The following SIM1 variants were observed in gnomAD, a reference collection of about 807,000 sequenced individuals.
The protein encoded by SIM1 is SIM bHLH transcription factor 1, also known as single-minded homolog 1.
SIM1 carries 18 observed loss-of-function variants against 78.2 expected under a neutral mutation model. The ratio of observed to expected loss-of-function variants is 0.23; its 90% confidence interval spans 0.16 to 0.34. The LOEUF is 0.34. Ranked by LOEUF, SIM1 falls within the 10% of genes least tolerant of loss-of-function variation. SIM1 has a pLI of 1.00. For missense variants in SIM1, 939 were observed against 975.1 expected (o/e 0.96, Z 0.49); for synonymous variants, 417 against 385.2 (o/e 1.08, Z -0.97).
At chr6:100,450,149 G>A in intron 4 of SIM1, 118 bp downstream of exon 4, 1 of 786,616 alleles carries the variant, frequency 1.3e-6, no homozygotes, top group Non-Finnish European at 2.2e-6. Context: ...CCTGCTAGCT[G>A]TGAGATGTCC....
intron 9 of SIM1, among the ~76,000 whole-genome samples, chr6:100,421,619 G>A (rs1771590078): frequency 1.3e-5 from 2 of 152,098 alleles, no homozygotes; most frequent in South Asian, 4.2e-4. Context: ...ATACTGGGGA[G>A]AAGAAACAGT....
chr6:100,394,925 T>C (rs2114465568), intron 10 of SIM1, among the ~76,000 whole-genome samples: 1 of 152,298 alleles, frequency 6.6e-6, no homozygotes, highest in Admixed American at 6.5e-5. Flanking sequence ...GTGCCTCTTG[T>C]TTAGAAGATA....
intron 10 of SIM1, among the ~76,000 whole-genome samples, chr6:100,403,377 A>G (rs1212958086): frequency 6.6e-6 from 1 of 152,262 alleles, no homozygotes; most frequent in East Asian, 1.9e-4. Context: ...CTGATAATTC[A>G]TCAGGTTAAA....
intron 9 of SIM1, among the ~76,000 whole-genome samples, chr6:100,446,041 T>TA (rs921162882): frequency 1.5e-5 from 2 of 129,242 alleles, no homozygotes; most frequent in Non-Finnish European, 1.5e-5. Context: ...TTTACTAAGA[T>TA]AAAAAAATTA....
At chr6:100,401,527 T>C (rs998138509) in intron 10 of SIM1, among the ~76,000 whole-genome samples, 24 of 152,052 alleles carry the variant, frequency 1.6e-4, no homozygotes, top group South Asian at 8.3e-4. Flanking sequence ...TATTAAGGTT[T>C]AGGTAGAGGC....
At position 100,447,371 on chromosome 6, in the gene SIM1, C is replaced by G; in HGVS notation, c.895G>C (p.Ala299Pro). 6.2e-7 allele frequency: 1 copy of G among 1,614,246 alleles called. No homozygotes were observed. Among genetic ancestry groups the G allele is most frequent in the Non-Finnish European group, 8.5e-7 (1 of 1,180,050 alleles). Residue 299 changes from alanine to proline, a missense_variant, in exon 9 of 12, where the codon GCG becomes CCG. This residue lies in a region of SIM1 where 66 missense variants were observed against 108.4 expected (regional missense o/e 0.61). Coordinates refer to ENST00000369208, the MANE Select transcript of SIM1 (RefSeq NM_005068.3). ...ACCCATACCCAGCCGCCGTGTTTCG[C>G]CAGGAACCTGTAGTACTTGGTGGTC... ...QVTTKYYRFL[A>P]KHGGWVWVQS...
chr6:100,409,507 T>C (rs1352879885), intron 10 of SIM1, among the ~76,000 whole-genome samples: 1 of 152,128 alleles, frequency 6.6e-6, no homozygotes, highest in Non-Finnish European at 1.5e-5. Flanking sequence ...TCTGTTTATC[T>C]TTTCTATTGT....
chr6:100,453,889 G>C, intron 2 of SIM1, 45 bp from the exon 3 acceptor site: 1 of 1,493,980 alleles, frequency 6.7e-7, no homozygotes. Flanking sequence ...ACCCGGACCT[G>C]ACAGGCAGTT....
intron 9 of SIM1, among the ~76,000 whole-genome samples, chr6:100,442,266 G>A (rs1185026851): frequency 6.6e-6 from 1 of 152,160 alleles, no homozygotes; most frequent in African/African-American, 2.4e-5. Flanking sequence ...AGTGTATGAA[G>A]AATAAGATTA....
intron 2 of SIM1, among the ~76,000 whole-genome samples, chr6:100,459,624 A>G (rs1262740510): frequency 6.6e-6 from 1 of 152,200 alleles, no homozygotes; most frequent in Non-Finnish European, 1.5e-5. Flanking sequence ...TATAGAAACC[A>G]TCTGTGGAAG....
intron 10 of SIM1, among the ~76,000 whole-genome samples, chr6:100,398,356 C>A (rs1388641936): frequency 6.6e-6 from 1 of 152,082 alleles, no homozygotes; most frequent in African/African-American, 2.4e-5. Flanking sequence ...TGCCATGCAA[C>A]CATCACTACC....
intron 9 of SIM1, among the ~76,000 whole-genome samples, chr6:100,432,750 A>G (rs77016238): frequency 0.012 from 1,889 of 152,172 alleles, 23 homozygotes; most frequent in Non-Finnish European, 0.021. Flanking sequence ...TTTAAATTCC[A>G]TACACTGTTT....
chr6:100,398,190 C>T (rs769055125), intron 10 of SIM1, among the ~76,000 whole-genome samples: 11 of 152,138 alleles, frequency 7.2e-5, no homozygotes, highest in Non-Finnish European at 1.3e-4. Context: ...TCATATAAAA[C>T]TTGCACACAA....
chr6:100,412,733 AAGAAAGAAAGAAAG>A (rs1562240142), intron 10 of SIM1, among the ~76,000 whole-genome samples: 3 of 145,104 alleles, frequency 2.1e-5, no homozygotes, highest in Admixed American at 7.0e-5. Context: ...GAAAGAAAGA[AAGAAAGAAAGAAAG>A]AAAGAAAAAA....
chr6:100,447,958 G>A (rs1772405057), intron 8 of SIM1, among the ~76,000 whole-genome samples, 188 bp downstream of exon 8: 2 of 152,232 alleles, frequency 1.3e-5, no homozygotes, highest in African/African-American at 4.8e-5. Flanking sequence ...TTAGCGGCCC[G>A]CGGATGTTAG....
chr6:100,440,804 G>C (rs1473348952), intron 9 of SIM1, among the ~76,000 whole-genome samples: 2 of 152,188 alleles, frequency 1.3e-5, no homozygotes, highest in Non-Finnish European at 2.9e-5. Context: ...GTTAAGGTGA[G>C]AGCAGTGGCA....
At chr6:100,439,367 C>T (rs144431954) in intron 9 of SIM1, among the ~76,000 whole-genome samples, 280 of 152,290 alleles carry the variant, frequency 1.8e-3, no homozygotes, top group Non-Finnish European at 3.4e-3. Flanking sequence ...CCTGATAGCT[C>T]TACTGTCACT....
Position 100,389,842 on chromosome 6 carries a change from T to G in SIM1, c.*519A>C, listed in dbSNP as rs1441585692. On this transcript the variant is annotated 3_prime_UTR_variant, in exon 12 of 12. Transcript: ENST00000369208. The stretch of plus-strand genomic sequence containing the variant: ...ATTTGAAACCACAAAGAAGTCAGTT[T>G]ATAAGATGTATCTCTCTCTTTCTCA... The G allele has an allele frequency of 2.5e-6, 1 of 398,620 alleles. No individual in the cohort carries two copies. Among genetic ancestry groups the G allele is most frequent in the Non-Finnish European group, 4.4e-6 (1 of 226,396 alleles). The allele number at this position is 398,620 out of a possible 1,614,324, so 24.7% of individuals were successfully genotyped here.
intron 9 of SIM1, among the ~76,000 whole-genome samples, chr6:100,443,588 A>G (rs1772271510): frequency 2.0e-5 from 3 of 152,230 alleles, no homozygotes; most frequent in Admixed American, 1.3e-4. Flanking sequence ...TCATACACCA[A>G]TGAGTACTTG....
Sources: allele counts gnomAD v4.1 joint callset (sites outside exome capture counted in the v4.1 genomes callset), GRCh38; gene constraint gnomAD v4.1.1; regional missense constraint gnomAD v4.1.1; transcripts MANE v1.5; gene names NCBI Gene and HGNC (gene_info 2026-07-23, HGNC 2026-07-21).